Variants in ING4 observed in about 807,000 individuals in gnomAD.
ING4 encodes inhibitor of growth family member 4, also known as inhibitor of growth protein 4.
A neutral mutation model predicts 33.1 loss-of-function variants in ING4; 28 were observed. The ratio of observed to expected loss-of-function variants is 0.85; its 90% CI spans 0.63 to 1.16. The LOEUF is 1.16. ING4 is among the 50% of genes most tolerant of loss of function. The pLI, the probability that ING4 is intolerant of heterozygous loss-of-function variation, is 0.00. For synonymous variants in ING4, 87 were observed against 104.4 expected (o/e 0.83, Z 1.02); for missense variants, 247 against 314.7 (o/e 0.78, Z 1.63).
chr12:6,655,956 C>CT (rs757476508), intron 2 of ING4: 8 of 450,612 alleles, frequency 1.8e-5, no homozygotes, highest in South Asian at 9.5e-5. Flanking sequence ...TCAATTACTG[C>CT]TTTTTTTTCT....
intron 1 of ING4, 106 bp downstream of exon 1, chr12:6,662,959 A>G: frequency 1.6e-6 from 2 of 1,260,048 alleles, no homozygotes; most frequent in Non-Finnish European, 2.3e-6. Flanking sequence ...GAACCGCTTC[A>G]TAATTGTGAC....
chr12:6,655,640 TTCGGCAGGCAGTTCTCAGGGAACTGTG>T lies in ING4; in HGVS notation c.109+1060_109+1086del, dbSNP rs1277431863. 5 of 1,145,584 alleles carry T rather than the reference TTCGGCAGGCAGTTCTCAGGGAACTGTG, an allele frequency of 4.4e-6. No homozygotes were observed. The Admixed American group carries it at 1.3e-4, about 30-fold the overall frequency. 71.0% of individuals were successfully genotyped at this position (1,145,584 alleles called of 1,614,324 possible). On this transcript the variant is annotated intron_variant, in intron 2 of 7. Transcript: ENST00000341550. ...AAAAAAAGCAATCTGGTTCTCACCA[TTCGGCAGGCAGTTCTCAGGGAACTGTG>T]TCCAGGGTTTTTGATGATGTTCACC...
In ING4 at chr12:6,654,457, G is replaced by A. The variant is rs561703941; in HGVS notation, c.110-1061C>T. ...CAAATGATCTCCCATTTCAGCCTCT[G>A]GAGTAGCTGGGACCACAGGCACATG... On this transcript the variant is annotated intron_variant, in intron 2 of 7. Coordinates refer to ENST00000341550, the MANE Select transcript of ING4 (RefSeq NM_016162.4). Among the ~76,000 whole-genome samples, 3 of 151,296 alleles carry A rather than the reference G, an allele frequency of 2.0e-5. No homozygotes were observed. The East Asian group carries it at 5.9e-4, about 30-fold the overall frequency.
chr12:6,651,510 C>T, intron 6 of ING4, 125 bp from the exon 7 acceptor site: 1 of 741,014 alleles, frequency 1.3e-6, no homozygotes. Context: ...CTTGGAAGTC[C>T]CAAGGCCAAC....
At position 6,653,372 on chromosome 12, in the gene ING4, A is replaced by G; in HGVS notation, c.134T>C (p.Leu45Ser). 6.2e-7 allele frequency: 1 copy of G among 1,614,134 alleles called. No individual in the cohort carries two copies. Among genetic ancestry groups the G allele is most frequent in the Non-Finnish European group, 8.5e-7 (1 of 1,180,022 alleles). ...TEDLKAEIDKLATEYMSSARS... is the reference protein window; with the variant it reads ...TEDLKAEIDKSATEYMSSARS... ...GGCACTACTCATATACTCAGTGGCC[A>G]ACTTGTCAATTTCAGCCTTCAGGTC... is the stretch of plus-strand genomic sequence containing the variant. Residue 45 changes from leucine (L) to serine (S), a missense_variant, in exon 3 of 8, where the codon TTG (leucine) becomes TCG (serine). Physicochemically the swap from Leu to Ser is moderately radical, Grantham distance 145 (BLOSUM62 -2). Around this residue, in one of 3 missense-constraint regions of ING4, gnomAD observed 198 missense variants for 221.2 expected, o/e 0.89. Transcript: ENST00000341550.
Position 6,662,593 on chromosome 12 carries a change from C to T in ING4, c.37+472G>A, listed in dbSNP as rs1949590041. Among the ~76,000 whole-genome samples, 4 of 152,152 alleles carry T rather than the reference C, an allele frequency of 2.6e-5. No individual in the cohort carries two copies. In the South Asian group the frequency reaches 8.3e-4, roughly 31 times the overall value. ...ATTTGATGGGAATTAGATCTTTACT[C>T]CATGAAGAGAAGCGTTCTAGTTCAT... On this transcript the variant is annotated intron_variant, in intron 1 of 7. Coordinates refer to ENST00000341550, the MANE Select transcript of ING4 (RefSeq NM_016162.4).
chr12:6,652,935 C>T lies in ING4; in HGVS notation c.391+1G>A. The T allele has an allele frequency of 6.2e-7, 1 of 1,612,824 alleles. No individual in the cohort carries two copies. Among genetic ancestry groups the T allele is most frequent in the Non-Finnish European group, 8.5e-7 (1 of 1,178,908 alleles). On this transcript the variant is annotated splice_donor_variant, in intron 4 of 7. Transcript: ENST00000341550. LOFTEE classifies it high-confidence loss of function. ...CTCTCACAGCCCCGCCCCCTCCTCA[C>T]TCTTTTTGCCTTTGCTGGAAGAGCT...
intron 1 of ING4, among the ~76,000 whole-genome samples, chr12:6,659,995 ATC>A (rs1949498580): frequency 6.6e-6 from 1 of 152,176 alleles, no homozygotes; most frequent in Non-Finnish European, 1.5e-5. Context: ...GTTATTTGGT[ATC>A]TGTCTCCCCA....
chr12:6,656,652 T>C (rs1478428542), intron 2 of ING4, 75 bp downstream of exon 2: 3 of 832,420 alleles, frequency 3.6e-6, no homozygotes, highest in East Asian at 2.8e-5. Flanking sequence ...TACCAGATGA[T>C]ACGGTAACAT....
chr12:6,661,844 A>T (rs2136286266), intron 1 of ING4, among the ~76,000 whole-genome samples: 1 of 152,278 alleles, frequency 6.6e-6, no homozygotes, highest in African/African-American at 2.4e-5. Context: ...GTAACTCCCT[A>T]AAATCAGGTT....
At chr12:6,660,984 G>A (rs1191312929) in intron 1 of ING4, among the ~76,000 whole-genome samples, 1 of 152,108 alleles carries the variant, frequency 6.6e-6, no homozygotes, top group Non-Finnish European at 1.5e-5. Flanking sequence ...GTAGAGACGG[G>A]GTTTCACTAT....
At chr12:6,658,084 G>A (rs1458395016) in intron 1 of ING4, among the ~76,000 whole-genome samples, 9 of 151,502 alleles carry the variant, frequency 5.9e-5, no homozygotes, top group Non-Finnish European at 1.5e-5. Flanking sequence ...CTCAGCCTCT[G>A]GAGTAGCTGG....
intron 2 of ING4, among the ~76,000 whole-genome samples, chr12:6,654,056 C>T (rs554911881): frequency 2.0e-5 from 3 of 151,522 alleles, no homozygotes; most frequent in South Asian, 2.1e-4. Flanking sequence ...AGGCTGGTCT[C>T]GAACTCCTGG....
intron 2 of ING4, chr12:6,655,693 T>G (rs1200166199): frequency 2.5e-6 from 2 of 793,728 alleles, no homozygotes; most frequent in African/African-American, 3.7e-5. Flanking sequence ...GATGTTCACC[T>G]TTTCATGTGT....
chr12:6,656,443 G>C (rs1309466407), intron 2 of ING4: 3 of 293,516 alleles, frequency 1.0e-5, no homozygotes, highest in Non-Finnish European at 1.9e-5. Context: ...CCAAAGTGCT[G>C]GGATTACAGG....
At chr12:6,662,005 C>T (rs532507813) in intron 1 of ING4, among the ~76,000 whole-genome samples, 1 of 152,266 alleles carries the variant, frequency 6.6e-6, no homozygotes, top group Non-Finnish European at 1.5e-5. Context: ...AGACCTTGTC[C>T]AATCTAGCCT....
In ING4 at chr12:6,651,403, A is replaced by T. The variant is rs374376796; in HGVS notation, c.646-18T>A. On this transcript the variant is annotated intron_variant, in intron 6 of 7. Transcript: ENST00000341550. ...ATGGAACACTGGAAGAGGAAGAAAG[A>T]AGTAGTCAGGGGCCAGGAAGGGCCA... is the stretch of plus-strand genomic sequence containing the variant. The T allele has an allele frequency of 1.1e-5, 17 of 1,612,322 alleles. No individual in the cohort carries two copies. The highest frequency in any genetic ancestry group is 8.8e-5 in the South Asian group (8 of 91,044).
chr12:6,652,640 A>G (rs1388146475), intron 5 of ING4, 22 bp downstream of exon 5: 1 of 1,604,952 alleles, frequency 6.2e-7, no homozygotes, highest in Admixed American at 1.7e-5. Flanking sequence ...TCATCCGGCA[A>G]AGGGCTCCCT....
chr12:6,660,721 G>A (rs1489999314), intron 1 of ING4, among the ~76,000 whole-genome samples: 5 of 152,206 alleles, frequency 3.3e-5, no homozygotes, highest in African/African-American at 1.2e-4. Flanking sequence ...ACAAGACTGA[G>A]TCACTGGTGA....
Sources: allele counts gnomAD v4.1 joint callset (sites outside exome capture counted in the v4.1 genomes callset), GRCh38; gene constraint gnomAD v4.1.1; regional missense constraint gnomAD v4.1.1; transcripts MANE v1.5; gene names NCBI Gene and HGNC (gene_info 2026-07-23, HGNC 2026-07-21).